Variants in ADAD1 observed in about 807,000 individuals in gnomAD.
ADAD1 encodes adenosine deaminase domain containing 1, also known as adenosine deaminase domain-containing protein 1.
A neutral mutation model predicts 66.8 loss-of-function variants in ADAD1; 46 were observed. The observed-to-expected ratio is 0.69, with a 90% CI of 0.54 to 0.88. The LOEUF is 0.88. Ranked by LOEUF, ADAD1 falls within the 40% of genes least tolerant of loss-of-function variation. The probability of loss-of-function intolerance (pLI) is 0.00; values close to 1 mark genes in which losing one functional copy is unlikely to be tolerated. For missense variants in ADAD1, 617 were observed against 681.8 expected (o/e 0.91, Z 1.06); for synonymous variants, 248 against 229.4 (o/e 1.08, Z -0.73).
chr4:122,396,470 C>T (rs1157574038), intron 7 of ADAD1, 93 bp downstream of exon 7: 1 of 1,101,676 alleles, frequency 9.1e-7, no homozygotes, highest in Admixed American at 3.0e-5. Context: ...AATGGTGTTG[C>T]ATTGATTTGA....
chr4:122,403,573 AG>A (rs1326339028), intron 7 of ADAD1, among the ~76,000 whole-genome samples: 1 of 152,130 alleles, frequency 6.6e-6, no homozygotes, highest in Non-Finnish European at 1.5e-5. Context: ...TCTTTGGAGC[AG>A]GGTGGTTCTG....
At chr4:122,414,704 G>C (rs1796648638) in intron 10 of ADAD1, among the ~76,000 whole-genome samples, 1 of 152,114 alleles carries the variant, frequency 6.6e-6, no homozygotes, top group Admixed American at 6.5e-5. Flanking sequence ...GAGGAAGAAA[G>C]AGATATGCTT....
At chr4:122,404,084 G>A (rs73846645) in intron 7 of ADAD1, among the ~76,000 whole-genome samples, 5,761 of 152,180 alleles carry the variant, frequency 0.038, 347 homozygotes, top group African/African-American at 0.12. Flanking sequence ...GATCTTGCAC[G>A]AGGAGGCTAT....
intron 5 of ADAD1, among the ~76,000 whole-genome samples, chr4:122,385,109 A>G (rs1795102288): frequency 6.6e-6 from 1 of 152,160 alleles, no homozygotes; most frequent in Admixed American, 6.5e-5. Flanking sequence ...ATAAGAGTTC[A>G]GTATTCATTA....
At chr4:122,409,076 G>A (rs1239102627) in intron 8 of ADAD1, among the ~76,000 whole-genome samples, 1 of 152,098 alleles carries the variant, frequency 6.6e-6, no homozygotes, top group East Asian at 1.9e-4. Context: ...ATTACACAAA[G>A]TTTACCATAA....
In ADAD1 at chr4:122,416,602, G is replaced by A. The variant is rs554439168; in HGVS notation, c.1487+986G>A. Among the ~76,000 whole-genome samples, 233 of 152,036 alleles carry A rather than the reference G, an allele frequency of 1.5e-3. 2 individuals are homozygous for A. Among genetic ancestry groups the A allele is most frequent in the African/African-American group, 5.1e-3 (213 of 41,456 alleles). On this transcript the variant is annotated intron_variant, in intron 11 of 12. Coordinates refer to ENST00000296513, the MANE Select transcript of ADAD1 (RefSeq NM_139243.4). ...AAAAGTATTAACCAGGAGTGGGAGT[G>A]CATACCTGGAGTTCCAGCTATTTGG...
chr4:122,394,794 A>G (rs538926515), intron 6 of ADAD1, among the ~76,000 whole-genome samples: 32 of 152,316 alleles, frequency 2.1e-4, no homozygotes, highest in African/African-American at 6.5e-4. Flanking sequence ...ATAGATTGCT[A>G]TTACTTCAGG....
At chr4:122,389,233 T>A (rs1286122729) in intron 5 of ADAD1, among the ~76,000 whole-genome samples, 2 of 152,200 alleles carry the variant, frequency 1.3e-5, no homozygotes, top group African/African-American at 4.8e-5. Context: ...TGAGAGACTG[T>A]TAGGATTTCA....
chr4:122,388,469 A>G (rs866523079), intron 5 of ADAD1, among the ~76,000 whole-genome samples: 3 of 152,326 alleles, frequency 2.0e-5, no homozygotes, highest in Middle Eastern at 6.8e-3. Flanking sequence ...TATTTCTGGT[A>G]GAATTCAGCT....
At chr4:122,391,031 TA>T (rs1159591118) in intron 5 of ADAD1, among the ~76,000 whole-genome samples, 4 of 152,210 alleles carry the variant, frequency 2.6e-5, no homozygotes, top group Non-Finnish European at 5.9e-5. Flanking sequence ...GACCCTTGGA[TA>T]GGGTTTTTGT....
At position 122,381,031 on chromosome 4, in the gene ADAD1, C is replaced by G. The variant is rs1291567954; in HGVS notation, c.212C>G (p.Ser71Cys). The change falls in exon 4 of 13, where the codon TCT (serine) becomes TGT (cysteine). Residue 71 changes from serine to cysteine, a missense_variant. Ser to Cys is a moderately radical substitution (Grantham distance 112). Coordinates refer to ENST00000296513, the MANE Select transcript of ADAD1 (RefSeq NM_139243.4). ...PEPLLSKNLS[S>C]ISNPVLPPKK... ...CCGTTGCTTTCCAAGAATCTTTCAT[C>G]TATTTCAAATCCTGTCCTTCCTCCA... 1 of 1,598,098 alleles carries G rather than the reference C, an allele frequency of 6.3e-7. No individual in the cohort carries two copies. Among genetic ancestry groups the G allele is most frequent in the Non-Finnish European group, 8.5e-7 (1 of 1,176,588 alleles).
chr4:122,427,022 T>G (rs562344896), intron 12 of ADAD1, among the ~76,000 whole-genome samples: 123 of 152,314 alleles, frequency 8.1e-4, no homozygotes, highest in African/African-American at 2.8e-3. Flanking sequence ...GATTAAAAGG[T>G]ACCTATACTG....
chr4:122,380,333 G>A (rs190439607), intron 3 of ADAD1, 92 bp downstream of exon 3: 5 of 1,451,536 alleles, frequency 3.4e-6, no homozygotes, highest in East Asian at 2.3e-5. Context: ...TAAAGGTTTC[G>A]TGGTTGTATA....
At chr4:122,413,577 T>G (rs1442975420) in intron 10 of ADAD1, among the ~76,000 whole-genome samples, 2 of 152,030 alleles carry the variant, frequency 1.3e-5, no homozygotes, top group Non-Finnish European at 2.9e-5. Context: ...CAGAAGTTAT[T>G]TCCATCCAGA....
At chr4:122,405,700 A>G (rs1796176052) in intron 7 of ADAD1, among the ~76,000 whole-genome samples, 1 of 151,924 alleles carries the variant, frequency 6.6e-6, no homozygotes, top group Non-Finnish European at 1.5e-5. Context: ...TAGTTTTACA[A>G]CTCCAAGTTT....
chr4:122,421,216 AT>A, intron 11 of ADAD1, 44 bp from the exon 12 acceptor site: 1 of 1,428,804 alleles, frequency 7.0e-7, no homozygotes, highest in South Asian at 1.6e-5. Context: ...GCCAACATAA[AT>A]TACTGAAAAA....
intron 5 of ADAD1, among the ~76,000 whole-genome samples, chr4:122,386,357 T>C (rs1795171908): frequency 6.6e-6 from 1 of 152,254 alleles, no homozygotes; most frequent in Admixed American, 6.5e-5. Context: ...TTGAGAAGTG[T>C]CTGTTCATAT....
chr4:122,383,770 G>T, intron 4 of ADAD1, 29 bp from the exon 5 acceptor site: 1 of 1,558,418 alleles, frequency 6.4e-7, no homozygotes, highest in Non-Finnish European at 8.6e-7. Context: ...AAAAATTATT[G>T]TAGCATTCAT....
At chr4:122,381,968 T>G (rs1794916518) in intron 4 of ADAD1, among the ~76,000 whole-genome samples, 1 of 152,208 alleles carries the variant, frequency 6.6e-6, no homozygotes, top group Non-Finnish European at 1.5e-5. Context: ...CTTTAACATG[T>G]CAAGATTTTA....
Sources: gnomAD v4.1 joint callset for allele counts (sites outside exome capture counted in the v4.1 genomes callset) on GRCh38, gnomAD v4.1.1 for gene constraint, MANE v1.5 for transcripts, NCBI Gene and HGNC (gene_info 2026-07-23, HGNC 2026-07-21) for gene names.